ZNF609: variants seen among roughly 807,000 people sequenced by gnomAD.
ZNF609 encodes zinc finger protein 609.
A neutral mutation model predicts 109.5 loss-of-function variants in ZNF609; 11 were observed. The observed-to-expected ratio is 0.10, with a 90% confidence interval of 0.06 to 0.17. The LOEUF is 0.17. Among genes scored for constraint, ZNF609 ranks in the 10% least tolerant of loss-of-function variants. The pLI is 1.00. For missense variants in ZNF609, 1,559 were observed against 1,772.4 expected, an observed-to-expected ratio of 0.88 and a Z score of 2.16; for synonymous variants, 646 against 662.0, an observed-to-expected ratio of 0.98 and a Z score of 0.37.
chr15:64,642,494 G>GT (rs1191346127), intron 3 of ZNF609, among the ~76,000 whole-genome samples: 1 of 151,766 alleles, frequency 6.6e-6, no homozygotes, highest in Non-Finnish European at 1.5e-5. Flanking sequence ...CAGTATGACA[G>GT]TTTAAAAAAA....
chr15:64,682,645 C>T lies in ZNF609; in HGVS notation c.*959C>T, dbSNP rs1051745338. On this transcript the variant is annotated 3_prime_UTR_variant, in exon 10 of 10. Coordinates refer to ENST00000326648, the MANE Select transcript of ZNF609 (RefSeq NM_015042.2). The stretch of plus-strand genomic sequence containing the variant: ...GCCTCAGGCAGATAAACTAGTATTC[C>T]CCCCAGCTTGGGGAACCTTGGAGTC... 4 of 152,780 alleles carry T rather than the reference C, an allele frequency of 2.6e-5. No individual in the cohort carries two copies. The highest frequency in any genetic ancestry group is 5.9e-5 in the Non-Finnish European group (4 of 68,080). The allele number at this position is 152,780 out of a possible 1,614,324, so 9.5% of individuals were successfully genotyped here. A position where few individuals can be genotyped will look rare whatever the true frequency, so the allele number is the denominator to read the frequency against.
chr15:64,662,893 C>T (rs942590580), intron 3 of ZNF609, among the ~76,000 whole-genome samples: 6 of 151,636 alleles, frequency 4.0e-5, no homozygotes, highest in South Asian at 2.1e-4. Context: ...TCTTGAACTC[C>T]GGACCTAAGA....
chr15:64,573,055 T>C (rs535898368), intron 2 of ZNF609, among the ~76,000 whole-genome samples: 1 of 152,310 alleles, frequency 6.6e-6, no homozygotes, highest in South Asian at 2.1e-4. Context: ...AACCATTACA[T>C]GGCAGTCCTA....
chr15:64,614,810 C>CTT lies in ZNF609; in HGVS notation c.748-7991_748-7990dup, dbSNP rs71133459. The stretch of plus-strand genomic sequence containing the variant: ...GATTATTGGTAAAGATAACATCTCG[C>CTT]TTTTTTTTTTTTTTTTTTTTTTTTT... On this transcript the variant is annotated intron_variant, in intron 2 of 9. Transcript: ENST00000326648. Among the ~76,000 whole-genome samples, 448 of 34,380 alleles carry CTT rather than the reference C, an allele frequency of 0.013. 62 individuals carry two copies. The South Asian group carries it at 0.2, about 15-fold the overall frequency. 22.6% of individuals were successfully genotyped at this position (34,380 alleles called of 152,430 possible).
intron 2 of ZNF609, among the ~76,000 whole-genome samples, chr15:64,579,563 A>C (rs967717044): frequency 6.6e-6 from 1 of 151,988 alleles, no homozygotes; most frequent in African/African-American, 2.4e-5. Context: ...GTACAAAAAA[A>C]ATTAGGTGTG....
At chr15:64,632,884 C>T (rs1425235500) in intron 3 of ZNF609, among the ~76,000 whole-genome samples, 1 of 151,812 alleles carries the variant, frequency 6.6e-6, no homozygotes, top group Non-Finnish European at 1.5e-5. Context: ...GTGATCCTCC[C>T]AGTTCAGTCT....
At chr15:64,528,937 G>A in intron 2 of ZNF609, 1 of 1,286,606 alleles carries the variant, frequency 7.8e-7, no homozygotes, top group Non-Finnish European at 1.1e-6. Flanking sequence ...CAGACGACAG[G>A]TCAGGTCCGC....
intron 2 of ZNF609, among the ~76,000 whole-genome samples, chr15:64,514,737 C>T (rs1204746043): frequency 1.3e-5 from 2 of 151,774 alleles, no homozygotes; most frequent in Non-Finnish European, 2.9e-5. Flanking sequence ...CTCCCCGATT[C>T]AAGCAATTCT....
intron 3 of ZNF609, among the ~76,000 whole-genome samples, chr15:64,636,970 C>T (rs1024651945): frequency 1.3e-5 from 2 of 152,178 alleles, no homozygotes; most frequent in African/African-American, 4.8e-5. Flanking sequence ...TCTGCATTTT[C>T]GAAGTGAACA....
rs1169879124 is a variant in ZNF609, at chr15:64,598,742, GTATATATATATATATA to G, written c.748-24055_748-24040del. ...CTGTCCATCATACATCTTTGTGTGT[GTATATATATATATATA>G]TATATATATATATATATATATATAT... On this transcript the variant is annotated intron_variant, in intron 2 of 9. Transcript: ENST00000326648. Among the ~76,000 whole-genome samples the G allele has an allele frequency of 7.1e-3, 428 of 60,280 alleles. 8 individuals carry two copies. Among genetic ancestry groups the G allele is most frequent in the Admixed American group, 0.017 (77 of 4,536 alleles). 39.5% of individuals were successfully genotyped at this position (60,280 alleles called of 152,430 possible).
In ZNF609 at chr15:64,540,242, A is replaced by C. The variant is rs138470932; in HGVS notation, c.747+40076A>C. On this transcript the variant is annotated intron_variant, in intron 2 of 9. Coordinates refer to ENST00000326648, the MANE Select transcript of ZNF609 (RefSeq NM_015042.2). Reference sequence around the variant, plus strand: ...GTTTGCTATTTGAAGGCAAGTAGGGAGAGAGATGTGGGGAGGCTGGTCAAA... The same window carrying C: ...GTTTGCTATTTGAAGGCAAGTAGGGCGAGAGATGTGGGGAGGCTGGTCAAA... 2.9e-3 allele frequency among the ~76,000 whole-genome samples: 438 copies of C among 152,270 alleles called. 1 individual carries two copies. Among genetic ancestry groups the C allele is most frequent in the Middle Eastern group, 6.8e-3 (2 of 294 alleles).
At chr15:64,600,312 T>C (rs1367386191) in intron 2 of ZNF609, among the ~76,000 whole-genome samples, 2 of 151,758 alleles carry the variant, frequency 1.3e-5, no homozygotes, top group East Asian at 3.9e-4. Flanking sequence ...TAGCTGAGCA[T>C]GGTGGCGGGC....
chr15:64,615,125 TTTG>T (rs1895779746), intron 2 of ZNF609, among the ~76,000 whole-genome samples: 1 of 151,328 alleles, frequency 6.6e-6, no homozygotes, highest in Middle Eastern at 3.2e-3. Flanking sequence ...CCTGTTTTGT[TTTG>T]TTTTGTTTTG....
intron 1 of ZNF609, chr15:64,470,710 T>A (rs1055209342): frequency 1.3e-5 from 2 of 151,990 alleles, no homozygotes; most frequent in African/African-American, 4.8e-5. Flanking sequence ...TTAGTAGAGA[T>A]GGGGTTTCAC....
At chr15:64,561,250 A>G (rs1894675486) in intron 2 of ZNF609, among the ~76,000 whole-genome samples, 1 of 152,002 alleles carries the variant, frequency 6.6e-6, no homozygotes, top group South Asian at 2.1e-4. Context: ...TTTTATTTTT[A>G]TAACAGCACT....
At chr15:64,463,909 G>A (rs532901965) in intron 1 of ZNF609, among the ~76,000 whole-genome samples, 2 of 152,300 alleles carry the variant, frequency 1.3e-5, no homozygotes, top group East Asian at 1.9e-4. Flanking sequence ...GACAGTGAAG[G>A]CAGAAGCCTC....
At chr15:64,593,170 T>A in intron 2 of ZNF609, 1 of 1,541,144 alleles carries the variant, frequency 6.5e-7, no homozygotes, top group Non-Finnish European at 8.9e-7. Context: ...CCTATGTGCT[T>A]CCCAAGCTGT....
intron 3 of ZNF609, among the ~76,000 whole-genome samples, chr15:64,666,122 G>A (rs1024112987): frequency 2.7e-5 from 4 of 150,810 alleles, no homozygotes; most frequent in Non-Finnish European, 5.9e-5. Context: ...AAAGTGATTG[G>A]CCTAGTGACT....
chr15:64,462,784 A>C, intron 1 of ZNF609, among the ~76,000 whole-genome samples: 1 of 152,222 alleles, frequency 6.6e-6, no homozygotes, highest in East Asian at 1.9e-4. Context: ...TCATTGTGCA[A>C]AAGTCTATAT....
Sources: gnomAD v4.1 joint callset for allele counts (sites outside exome capture counted in the v4.1 genomes callset) on GRCh38, gnomAD v4.1.1 for gene constraint, MANE v1.5 for transcripts, NCBI Gene and HGNC (gene_info 2026-07-23, HGNC 2026-07-21) for gene names.